Variants in TUBGCP3 observed in about 807,000 individuals in gnomAD.
TUBGCP3 encodes gamma-tubulin complex component 3.
TUBGCP3 carries 50 observed loss-of-function variants against 123.1 expected under a neutral mutation model. The ratio of observed to expected loss-of-function variants is 0.41; its 90% CI spans 0.32 to 0.51. The LOEUF is 0.51. Ranked by LOEUF, TUBGCP3 falls within the 20% of genes least tolerant of loss-of-function variation. TUBGCP3 has a pLI of 0.36. For missense variants in TUBGCP3, 882 were observed against 1,127.0 expected (o/e 0.78, Z 3.11); for synonymous variants, 405 against 413.9 (o/e 0.98, Z 0.26).
At chr13:112,504,531 T>C in intron 18 of TUBGCP3, 95 bp downstream of exon 18, 1 of 844,162 alleles carries the variant, frequency 1.2e-6, no homozygotes, top group Non-Finnish European at 1.8e-6. Context: ...CACATATATA[T>C]ACACACATAC....
chr13:112,530,588 G>A (rs1426381663), intron 11 of TUBGCP3, among the ~76,000 whole-genome samples: 4 of 152,320 alleles, frequency 2.6e-5, no homozygotes, highest in East Asian at 3.9e-4. Flanking sequence ...AGCTTCCACC[G>A]GCCGACTGCA....
chr13:112,566,488 C>G (rs932764331), intron 2 of TUBGCP3, among the ~76,000 whole-genome samples: 1 of 152,118 alleles, frequency 6.6e-6, no homozygotes, highest in African/African-American at 2.4e-5. Context: ...GAAGCACATA[C>G]CAGAGATTAC....
the TUBGCP3 span, among the ~76,000 whole-genome samples, chr13:112,601,588 A>G: frequency 6.6e-6 from 1 of 152,034 alleles, no homozygotes; most frequent in Non-Finnish European, 1.5e-5. Flanking sequence ...TCGGGTTCTG[A>G]GGTCAGATCA....
At chr13:112,569,660 T>C (rs1278753802) in intron 1 of TUBGCP3, among the ~76,000 whole-genome samples, 1 of 152,088 alleles carries the variant, frequency 6.6e-6, no homozygotes, top group African/African-American at 2.4e-5. Context: ...ACAGTCAAAA[T>C]AGACAGTTAA....
Position 112,545,365 on chromosome 13 carries a change from A to G in TUBGCP3, c.1335+334T>C. 3.8e-6 allele frequency: 1 copy of G among 259,986 alleles called. No individual in the cohort carries two copies. Among genetic ancestry groups the G allele is most frequent in the Non-Finnish European group, 7.6e-6 (1 of 132,012 alleles). 16.1% of individuals were successfully genotyped at this position (259,986 alleles called of 1,614,324 possible). A position where few individuals can be genotyped will look rare whatever the true frequency, so the allele number is the denominator to read the frequency against. ...TGAGTTTGCAAAGTAATCATGGCAA[A>G]GCAGCAGAATCTGCGATGATGACTG... is the stretch of plus-strand genomic sequence containing the variant. On this transcript the variant is annotated intron_variant, in intron 11 of 21. Coordinates refer to ENST00000261965, the MANE Select transcript of TUBGCP3 (RefSeq NM_006322.6). This position sits in a 1 kb window ranked among gnomAD's most constrained non-coding sequence, Gnocchi z 4.1.
At chr13:112,537,512 C>G (rs1878161706) in intron 11 of TUBGCP3, among the ~76,000 whole-genome samples, 1 of 152,140 alleles carries the variant, frequency 6.6e-6, no homozygotes. Flanking sequence ...CCATTGTGTA[C>G]AATCCTTCTA....
At chr13:112,500,160 A>T (rs1241859336) in intron 19 of TUBGCP3, among the ~76,000 whole-genome samples, 3 of 152,198 alleles carry the variant, frequency 2.0e-5, no homozygotes, top group Admixed American at 6.5e-5. Context: ...GAAAAAACAC[A>T]CTAACAGTCT....
At chr13:112,587,846 C>A (rs540966923) in intron 1 of TUBGCP3, 59 bp downstream of exon 1, 1 of 1,478,666 alleles carries the variant, frequency 6.8e-7, no homozygotes, top group Admixed American at 2.0e-5. Context: ...TAGGGCTGCA[C>A]GCGCAGGGAG....
At chr13:112,598,118 G>A in the TUBGCP3 span, among the ~76,000 whole-genome samples, 3 of 152,000 alleles carry the variant, frequency 2.0e-5, no homozygotes, top group Non-Finnish European at 2.9e-5. Context: ...TCAGCAGAAA[G>A]AAAACATAGA....
chr13:112,555,963 G>T, intron 6 of TUBGCP3, 89 bp downstream of exon 6: 2 of 1,402,174 alleles, frequency 1.4e-6, no homozygotes, highest in Non-Finnish European at 9.7e-7. Flanking sequence ...AAGGTTTGAG[G>T]TGGGGCTCCT....
rs1258806268 is a variant in TUBGCP3, at chr13:112,556,191, G to A, written c.582C>T (p.Cys194=). 15 of 1,613,894 alleles carry A rather than the reference G, an allele frequency of 9.3e-6. No individual in the cohort carries two copies. The highest frequency in any genetic ancestry group is 1.0e-5 in the Non-Finnish European group (12 of 1,179,986). The change falls in exon 6 of 22, where the codon TGC becomes TGT. Residue 194 remains cysteine (C), a synonymous_variant. Transcript: ENST00000261965. ...GTCGTGACCCCAACTGCTGTCGAAG[G>A]CAATCTCCTACTCCTGGAGCTTGAT... ...QSNQAPGVGD[C]LRQQLGSRLA...
chr13:112,567,367 T>G (rs1881031881), intron 2 of TUBGCP3, among the ~76,000 whole-genome samples: 1 of 152,242 alleles, frequency 6.6e-6, no homozygotes, highest in Non-Finnish European at 1.5e-5. Flanking sequence ...TAGTAGTATG[T>G]TTAAATATGT....
chr13:112,528,910 G>C (rs1877344302), intron 11 of TUBGCP3, among the ~76,000 whole-genome samples: 1 of 151,676 alleles, frequency 6.6e-6, no homozygotes. Flanking sequence ...GGAGTACACT[G>C]GCATGATCTT....
the TUBGCP3 span, among the ~76,000 whole-genome samples, chr13:112,597,095 A>C: frequency 6.6e-6 from 1 of 152,256 alleles, no homozygotes; most frequent in Admixed American, 6.5e-5. Flanking sequence ...AACTTACTTT[A>C]AACTTACTTC....
At chr13:112,576,109 A>G in intron 1 of TUBGCP3, among the ~76,000 whole-genome samples, 1 of 152,232 alleles carries the variant, frequency 6.6e-6, no homozygotes, top group African/African-American at 2.4e-5. Context: ...ACTATATTAC[A>G]TCTTCACAGT....
Position 112,504,623 on chromosome 13 carries a change from T to G in TUBGCP3, c.2175+3A>C. 6.2e-7 allele frequency: 1 copy of G among 1,612,740 alleles called. No homozygotes were observed. The highest frequency in any genetic ancestry group is 8.5e-7 in the Non-Finnish European group (1 of 1,179,244). On this transcript the variant is annotated splice_donor_region_variant and intron_variant, in intron 18 of 21. Transcript: ENST00000261965. ...TAAAATCAACACAATGACTGAAGTG[T>G]ACCTCAAATGTGATGTAATACTGCA...
chr13:112,574,285 T>C (rs1488086260), intron 1 of TUBGCP3, among the ~76,000 whole-genome samples: 5 of 134,858 alleles, frequency 3.7e-5, no homozygotes, highest in African/African-American at 1.4e-4. Context: ...CCCTGCCCAA[T>C]CCACAGAGAA....
In TUBGCP3 at chr13:112,504,357, G is replaced by T. The variant is rs544350592; in HGVS notation, c.2176-194C>A. Among the ~76,000 whole-genome samples the T allele has an allele frequency of 5.8e-4, 88 of 151,854 alleles. 1 individual carries two copies. The highest frequency in any genetic ancestry group is 1.9e-3 in the African/African-American group (80 of 41,404). On this transcript the variant is annotated intron_variant, in intron 18 of 21. Transcript: ENST00000261965. ...ACAAAAATCAGCTGGGAGTGATGGT[G>T]GGCCCCTGTAATCCCAGCTACTCAG...
At chr13:112,602,113 G>A in the TUBGCP3 span, among the ~76,000 whole-genome samples, 1 of 152,322 alleles carries the variant, frequency 6.6e-6, no homozygotes, top group African/African-American at 2.4e-5. Flanking sequence ...GGAGACCAGT[G>A]TTTGAATCTG....
Sources: allele counts gnomAD v4.1 joint callset (sites outside exome capture counted in the v4.1 genomes callset), GRCh38; gene constraint gnomAD v4.1.1; non-coding constraint Gnocchi (gnomAD v3.1); transcripts MANE v1.5; gene names NCBI Gene and HGNC (gene_info 2026-07-23, HGNC 2026-07-21).